Variants in TSPAN5 observed in about 807,000 individuals in gnomAD.
The protein encoded by TSPAN5 is tetraspanin-5.
A neutral mutation model predicts 37.1 loss-of-function variants in TSPAN5; 10 were observed. That is an observed-to-expected ratio of 0.27 (90% CI 0.17 to 0.46). The LOEUF is 0.46. Ranked by LOEUF, TSPAN5 falls within the 20% of genes least tolerant of loss-of-function variation. TSPAN5 has a pLI of 1.00. For synonymous variants in TSPAN5, 110 were observed against 118.9 expected, an observed-to-expected ratio of 0.93 and a Z score of 0.48; for missense variants, 195 against 326.6, an observed-to-expected ratio of 0.60 and a Z score of 3.11.
At chr4:98,536,169 A>G (rs1471215243) in intron 1 of TSPAN5, among the ~76,000 whole-genome samples, 1 of 152,148 alleles carries the variant, frequency 6.6e-6, no homozygotes, top group Non-Finnish European at 1.5e-5. Context: ...TTGTGGATTT[A>G]TCCATCTTTG....
intron 1 of TSPAN5, among the ~76,000 whole-genome samples, chr4:98,600,442 G>A (rs1755858700): frequency 1.3e-5 from 2 of 152,306 alleles, no homozygotes; most frequent in South Asian, 4.1e-4. Context: ...CTCAAACCCT[G>A]TTTTATCAAC....
chr4:98,517,490 A>C (rs1753761193), intron 1 of TSPAN5, among the ~76,000 whole-genome samples: 1 of 151,972 alleles, frequency 6.6e-6, no homozygotes, highest in East Asian at 1.9e-4. Context: ...CAGAGGATGA[A>C]AGGGCTCTTT....
chr4:98,536,858 T>G lies in TSPAN5; in HGVS notation c.82-29130A>C, dbSNP rs572630426. Reference sequence around the variant, plus strand: ...CGCCCCTCCCCCGACCAAGCTCTAGTGCCCCAGGTGGAGCTCAGACTGCTG... The same window carrying G: ...CGCCCCTCCCCCGACCAAGCTCTAGGGCCCCAGGTGGAGCTCAGACTGCTG... On this transcript the variant is annotated intron_variant, in intron 1 of 7. Coordinates refer to ENST00000305798, the MANE Select transcript of TSPAN5 (RefSeq NM_005723.4). Among the ~76,000 whole-genome samples, 336 of 152,308 alleles carry G rather than the reference T, an allele frequency of 2.2e-3. 1 individual carries two copies. Among genetic ancestry groups the G allele is most frequent in the Non-Finnish European group, 3.7e-3 (255 of 68,022 alleles).
At chr4:98,521,562 C>G (rs1346159769) in intron 1 of TSPAN5, among the ~76,000 whole-genome samples, 2 of 152,236 alleles carry the variant, frequency 1.3e-5, no homozygotes, top group Non-Finnish European at 2.9e-5. Context: ...GGATTTGTGA[C>G]ACTGTGGCAG....
At chr4:98,567,017 G>A (rs571660071) in intron 1 of TSPAN5, among the ~76,000 whole-genome samples, 2 of 152,338 alleles carry the variant, frequency 1.3e-5, no homozygotes, top group South Asian at 2.1e-4. Context: ...GCAGGCTCCC[G>A]AGTAGTGCAG....
At chr4:98,569,415 C>T (rs17027756) in intron 1 of TSPAN5, among the ~76,000 whole-genome samples, 100,636 of 152,064 alleles carry the variant, frequency 0.66, 33,426 homozygotes, top group South Asian at 0.77. Flanking sequence ...TGGAACACAC[C>T]GCCCTGCAGA....
intron 1 of TSPAN5, among the ~76,000 whole-genome samples, chr4:98,647,692 A>T (rs1034546851): frequency 1.3e-5 from 2 of 152,218 alleles, no homozygotes; most frequent in Non-Finnish European, 2.9e-5. Flanking sequence ...GCCATCCACA[A>T]AAACACCATT....
At chr4:98,633,934 C>A (rs145111530) in intron 1 of TSPAN5, among the ~76,000 whole-genome samples, 1,803 of 152,112 alleles carry the variant, frequency 0.012, 36 homozygotes, top group African/African-American at 0.041. Flanking sequence ...ACAAAATTAG[C>A]CAGGCGTGGT....
chr4:98,639,925 C>T (rs1401286255), intron 1 of TSPAN5, among the ~76,000 whole-genome samples: 1 of 152,140 alleles, frequency 6.6e-6, no homozygotes, highest in Non-Finnish European at 1.5e-5. Flanking sequence ...CTTATAATAG[C>T]TCAGAAAATG....
chr4:98,638,026 C>T lies in TSPAN5; in HGVS notation c.81+20120G>A, dbSNP rs1022471988. Among the ~76,000 whole-genome samples, 11 of 152,200 alleles carry T rather than the reference C, an allele frequency of 7.2e-5. No homozygotes were observed. The South Asian group carries it at 8.3e-4, about 11-fold the overall frequency. On this transcript the variant is annotated intron_variant, in intron 1 of 7. Coordinates refer to ENST00000305798, the MANE Select transcript of TSPAN5 (RefSeq NM_005723.4). Reference sequence around the variant, plus strand: ...CCTGCTCCTTCTTAACTCTGCTCCACGGTCTTGGCCTGGACTTTCCCACCT... The same window carrying T: ...CCTGCTCCTTCTTAACTCTGCTCCATGGTCTTGGCCTGGACTTTCCCACCT...
chr4:98,541,472 C>T (rs1038849897), intron 1 of TSPAN5, among the ~76,000 whole-genome samples: 8 of 151,864 alleles, frequency 5.3e-5, no homozygotes, highest in African/African-American at 1.4e-4. Context: ...GCCAGGAGAT[C>T]GAGACTAGCC....
chr4:98,632,598 T>C (rs1756772669), intron 1 of TSPAN5, among the ~76,000 whole-genome samples: 2 of 152,180 alleles, frequency 1.3e-5, no homozygotes, highest in Admixed American at 6.5e-5. Context: ...GTGTGGGTGC[T>C]ACCATCAATG....
At chr4:98,651,481 T>C (rs1757184454) in intron 1 of TSPAN5, among the ~76,000 whole-genome samples, 1 of 152,234 alleles carries the variant, frequency 6.6e-6, no homozygotes, top group Admixed American at 6.5e-5. Flanking sequence ...CTGGCTTTCA[T>C]GGTTGTACTG....
chr4:98,571,970 A>ATT (rs1285852250), intron 1 of TSPAN5, among the ~76,000 whole-genome samples: 4 of 25,580 alleles, frequency 1.6e-4, no homozygotes, highest in Non-Finnish European at 2.3e-4. Flanking sequence ...CATTTTATTT[A>ATT]TTTATTTATT....
chr4:98,485,112 T>TA (rs34892296), intron 3 of TSPAN5: 63 of 145,970 alleles, frequency 4.3e-4, no homozygotes, highest in Middle Eastern at 3.6e-3. Flanking sequence ...AAACTCCATC[T>TA]AAAAAAAAAA....
At chr4:98,571,097 C>G (rs1459184780) in intron 1 of TSPAN5, among the ~76,000 whole-genome samples, 1 of 152,136 alleles carries the variant, frequency 6.6e-6, no homozygotes, top group Admixed American at 6.5e-5. Context: ...CTCATTCTAG[C>G]AAGTTCTAGC....
intron 7 of TSPAN5, among the ~76,000 whole-genome samples, chr4:98,475,203 G>T (rs893951782): frequency 1.3e-5 from 2 of 152,184 alleles, no homozygotes; most frequent in Non-Finnish European, 2.9e-5. Flanking sequence ...TTGCTAAAAA[G>T]GTGGTTACAA....
At chr4:98,472,672 G>T in intron 7 of TSPAN5, 85 bp from the exon 8 acceptor site, 2 of 1,203,328 alleles carry the variant, frequency 1.7e-6, no homozygotes, top group Non-Finnish European at 2.4e-6. Flanking sequence ...TTAAATCATT[G>T]ATTTTTGAAA....
At chr4:98,651,799 AG>A (rs1313259178) in intron 1 of TSPAN5, among the ~76,000 whole-genome samples, 1 of 151,708 alleles carries the variant, frequency 6.6e-6, no homozygotes, top group African/African-American at 2.4e-5. Context: ...TTCACTGACT[AG>A]GAAGTTAGAG....
Sources: gnomAD v4.1 joint callset for allele counts (sites outside exome capture counted in the v4.1 genomes callset) on GRCh38, gnomAD v4.1.1 for gene constraint, MANE v1.5 for transcripts, NCBI Gene and HGNC (gene_info 2026-07-23, HGNC 2026-07-21) for gene names.